The following COLEC12 variants were observed in gnomAD, a reference collection of about 807,000 sequenced individuals.
The protein encoded by COLEC12 is collectin subfamily member 12.
COLEC12 carries 33 observed loss-of-function variants against 71.1 expected under a neutral mutation model. The observed-to-expected ratio is 0.46, with a 90% CI of 0.35 to 0.62. The LOEUF is 0.62. Among genes scored for constraint, COLEC12 ranks in the 20% least tolerant of loss-of-function variants. The pLI is 0.00. For missense variants in COLEC12, 765 were observed against 916.1 expected, an observed-to-expected ratio of 0.84 and a Z score of 2.13; for synonymous variants, 350 against 353.0, an observed-to-expected ratio of 0.99 and a Z score of 0.10.
At position 316,740 on chromosome 18, in the gene COLEC12, T is replaced by C. The variant is rs1028489928; in HGVS notation, c.*3305A>G. The C allele has an allele frequency of 3.3e-5, 5 of 152,158 alleles. No individual in the cohort carries two copies. Among genetic ancestry groups the C allele is most frequent in the Non-Finnish European group, 7.4e-5 (5 of 68,022 alleles). 9.4% of individuals were successfully genotyped at this position (152,158 alleles called of 1,614,324 possible). A position where few individuals can be genotyped will look rare whatever the true frequency, so the allele number is the denominator to read the frequency against. On this transcript the variant is annotated 3_prime_UTR_variant, in exon 10 of 10. Transcript: ENST00000400256. ...GGAACGAGTTGTTGAACATTGATCG[T>C]AGAAAAGGAAAAGAAAGTTTTTATT...
intron 2 of COLEC12, among the ~76,000 whole-genome samples, chr18:462,157 G>A (rs1307687404): frequency 6.6e-6 from 1 of 152,080 alleles, no homozygotes; most frequent in Non-Finnish European, 1.5e-5. Flanking sequence ...TAAACACAGA[G>A]TTATCATGTG....
In COLEC12 at chr18:362,610, C is replaced by T. The variant is rs1348792460; in HGVS notation, c.59-5088G>A. Reference sequence around the variant, plus strand: ...GTGGGGGTGGGCAGGGAAGGAAGGGCTGGGGACTGATATACAGAGTGCTGC... The same window carrying T: ...GTGGGGGTGGGCAGGGAAGGAAGGGTTGGGGACTGATATACAGAGTGCTGC... On this transcript the variant is annotated intron_variant, in intron 2 of 9. Coordinates refer to ENST00000400256, the MANE Select transcript of COLEC12 (RefSeq NM_130386.3). The surrounding 1 kb of genome is among the most constrained non-coding windows in gnomAD (Gnocchi z 4.6). 6.6e-6 allele frequency among the ~76,000 whole-genome samples: 1 copy of T among 152,032 alleles called. No homozygotes were observed. Among genetic ancestry groups the T allele is most frequent in the East Asian group, 1.9e-4 (1 of 5,174 alleles).
rs745840580 is a variant in COLEC12, at chr18:348,057, C to G, written c.280+8G>C. 1 of 1,597,670 alleles carries G rather than the reference C, an allele frequency of 6.3e-7. No individual in the cohort carries two copies. The highest frequency in any genetic ancestry group is 1.4e-5 in the African/African-American group (1 of 73,578). On this transcript the variant is annotated splice_region_variant and intron_variant, in intron 4 of 9. Transcript: ENST00000400256. ...GGGATTTCATGGTTTAGTCTTGTCA[C>G]AGATTACCTAATTTTTTCAGGTCAC...
chr18:335,065 C>T lies in COLEC12; in HGVS notation c.1493G>A (p.Gly498Asp). The stretch of plus-strand genomic sequence containing the variant: ...GCCCTGGGAGCCTTTAGATCCTTTG[C>T]CGCCACGCTCTCCGGGGGGACCAGC... ...GPAGPPGERG[G>D]KGSKGSQGPK... Residue 498 changes from glycine (G) to aspartate (D), a missense_variant, in exon 6 of 10, where the codon GGC becomes GAC. By Grantham distance (94) the Gly-to-Asp change is moderately conservative. Transcript: ENST00000400256. 1 of 1,609,132 alleles carries T rather than the reference C, an allele frequency of 6.2e-7. No individual in the cohort carries two copies. The highest frequency in any genetic ancestry group is 8.5e-7 in the Non-Finnish European group (1 of 1,178,416).
At chr18:360,520 GTGATGC>G (rs59329972) in intron 2 of COLEC12, among the ~76,000 whole-genome samples, 8 of 151,922 alleles carry the variant, frequency 5.3e-5, no homozygotes, top group Non-Finnish European at 7.4e-5. Context: ...AAGTTCCCAG[GTGATGC>G]TGATGCTGAT....
At chr18:472,935 G>A (rs1351396523) in intron 2 of COLEC12, among the ~76,000 whole-genome samples, 2 of 151,868 alleles carry the variant, frequency 1.3e-5, no homozygotes, top group African/African-American at 4.8e-5. Flanking sequence ...AGGGGTGGGA[G>A]CAGTCAGCAG....
At chr18:476,852 C>G (rs1030655898) in intron 2 of COLEC12, among the ~76,000 whole-genome samples, 1 of 152,214 alleles carries the variant, frequency 6.6e-6, no homozygotes, top group African/African-American at 2.4e-5. Context: ...ACTATAGTTA[C>G]GTCCCAATTA....
chr18:373,651 C>T (rs988613842), intron 2 of COLEC12, among the ~76,000 whole-genome samples: 1 of 152,244 alleles, frequency 6.6e-6, no homozygotes, highest in African/African-American at 2.4e-5. Flanking sequence ...TAAGAATCCC[C>T]GTAAGGGCTT....
Position 335,240 on chromosome 18 carries a change from A to G in COLEC12, c.1328-10T>C, listed in dbSNP as rs1425878926. The stretch of plus-strand genomic sequence containing the variant: ...CTGGGGCCCGGTGGACCTAAAGCAT[A>G]AAAGAAAAAGGTGTCAACATGAAAT... On this transcript the variant is annotated splice_polypyrimidine_tract_variant and intron_variant, in intron 5 of 9. Coordinates refer to ENST00000400256, the MANE Select transcript of COLEC12 (RefSeq NM_130386.3). 1 of 1,568,612 alleles carries G rather than the reference A, an allele frequency of 6.4e-7. No homozygotes were observed. Among genetic ancestry groups the G allele is most frequent in the African/African-American group, 1.4e-5 (1 of 69,820 alleles).
At chr18:426,441 C>G (rs1334586491) in intron 2 of COLEC12, among the ~76,000 whole-genome samples, 1 of 152,156 alleles carries the variant, frequency 6.6e-6, no homozygotes, top group East Asian at 1.9e-4. Context: ...GATTTTTACT[C>G]ATAGACATGA....
chr18:371,551 C>G (rs2143536494), intron 2 of COLEC12, among the ~76,000 whole-genome samples: 1 of 152,130 alleles, frequency 6.6e-6, no homozygotes, highest in Admixed American at 6.5e-5. Context: ...CTGCACAGGC[C>G]TAGGGTAGGA....
intron 3 of COLEC12, among the ~76,000 whole-genome samples, chr18:356,963 G>A (rs983126841): frequency 5.3e-5 from 8 of 152,166 alleles, no homozygotes; most frequent in Non-Finnish European, 8.8e-5. Flanking sequence ...AAGGGAATTA[G>A]TTGGCCGATC....
intron 2 of COLEC12, among the ~76,000 whole-genome samples, chr18:395,328 G>A (rs1915547239): frequency 6.6e-6 from 1 of 152,200 alleles, no homozygotes; most frequent in Non-Finnish European, 1.5e-5. Flanking sequence ...GTGTTATGAG[G>A]AAGGCAAGAG....
rs146368886 is a variant in COLEC12 at position 441,402 on chromosome 18, ACACTGGGCTTAAT to A, written c.58+39292_58+39304del. ...ATCTTCAAGGAACACACTTTGAGAAACACTGGGCTTAATCATTTAGTGCTCTTTCAAACTGTTC... is the reference window on the plus strand; with the variant it reads ...ATCTTCAAGGAACACACTTTGAGAAACATTTAGTGCTCTTTCAAACTGTTC... On this transcript the variant is annotated intron_variant, in intron 2 of 9. Transcript: ENST00000400256. 6.1e-3 allele frequency among the ~76,000 whole-genome samples: 925 copies of A among 152,268 alleles called. 6 individuals are homozygous for A. The highest frequency in any genetic ancestry group is 0.021 in the African/African-American group (891 of 41,552).
At chr18:473,022 T>C (rs996560273) in intron 2 of COLEC12, among the ~76,000 whole-genome samples, 1 of 152,214 alleles carries the variant, frequency 6.6e-6, no homozygotes, top group East Asian at 1.9e-4. Flanking sequence ...ATAATATCAA[T>C]ATATAGAATA....
rs1403894606 is a variant in COLEC12, at chr18:460,782, C to T, written c.58+19925G>A. Reference sequence around the variant, plus strand: ...ATCCTCTCTTCTTTCCTTTTTGGGTCTGCAGTGTCTACCGGTCACTCTCCT... The same window carrying T: ...ATCCTCTCTTCTTTCCTTTTTGGGTTTGCAGTGTCTACCGGTCACTCTCCT... On this transcript the variant is annotated intron_variant, in intron 2 of 9. Transcript: ENST00000400256. Among the ~76,000 whole-genome samples, 4 of 52,002 alleles carry T rather than the reference C, an allele frequency of 7.7e-5. No homozygotes were observed. The East Asian group carries it at 0.027, about 351-fold the overall frequency. The allele number at this position is 52,002 out of a possible 152,430, so 34.1% of individuals were successfully genotyped here.
intron 7 of COLEC12, among the ~76,000 whole-genome samples, chr18:332,776 C>G (rs1298270182): frequency 1.3e-5 from 2 of 152,188 alleles, no homozygotes. Context: ...AGGAGCCACA[C>G]ATCTCCAGGC....
intron 2 of COLEC12, among the ~76,000 whole-genome samples, chr18:450,543 A>C (rs1271461945): frequency 1.3e-5 from 2 of 152,212 alleles, no homozygotes; most frequent in African/African-American, 4.8e-5. Flanking sequence ...CCCTAGAAGA[A>C]GCTGCTATGC....
At chr18:427,348 C>T (rs1916216719) in intron 2 of COLEC12, among the ~76,000 whole-genome samples, 1 of 152,104 alleles carries the variant, frequency 6.6e-6, no homozygotes, top group African/African-American at 2.4e-5. Flanking sequence ...AAGGTGACTC[C>T]CAGCAAGCGA....
Sources: allele counts gnomAD v4.1 joint callset (sites outside exome capture counted in the v4.1 genomes callset), GRCh38; gene constraint gnomAD v4.1.1; non-coding constraint Gnocchi (gnomAD v3.1); transcripts MANE v1.5; gene names NCBI Gene and HGNC (gene_info 2026-07-23, HGNC 2026-07-21).